RELN: variants seen among roughly 807,000 people sequenced by gnomAD.
The protein encoded by RELN is reelin.
In RELN, 108 loss-of-function variants were observed where a neutral mutation model predicts 427.6. That is an observed-to-expected ratio of 0.25 (90% CI 0.22 to 0.30). RELN has a LOEUF of 0.30. Ranked by LOEUF, RELN falls within the 10% of genes least tolerant of loss-of-function variation. The pLI is 1.00. For synonymous variants in RELN, 1,524 were observed against 1,513.4 expected (o/e 1.01, Z -0.16); for missense variants, 3,715 against 4,302.8 (o/e 0.86, Z 3.82).
intron 6 of RELN, among the ~76,000 whole-genome samples, chr7:103,741,619 G>C (rs1159733349): frequency 6.6e-6 from 1 of 150,694 alleles, no homozygotes; most frequent in Non-Finnish European, 1.5e-5. Context: ...GAAAAGAGAA[G>C]AGGGAGGAGA....
chr7:103,821,800 CT>C (rs11320394), intron 3 of RELN, among the ~76,000 whole-genome samples: 51,064 of 151,946 alleles, frequency 0.34, 9,156 homozygotes, highest in South Asian at 0.52. Context: ...AATTAGAAGG[CT>C]TTTCACTGTT....
intron 3 of RELN, among the ~76,000 whole-genome samples, chr7:103,815,294 A>G (rs1278341344): frequency 5.9e-5 from 9 of 152,212 alleles, no homozygotes; most frequent in Admixed American, 5.9e-4. Context: ...ATAAGGTTTT[A>G]CACATAATGA....
Position 103,489,613 on chromosome 7 carries a change from G to A in RELN, c.9763+129C>T, listed in dbSNP as rs117377980. The A allele has an allele frequency of 1.3e-3, 1,298 of 1,032,894 alleles. 17 individuals are homozygous for A. In the East Asian group the frequency reaches 0.029, roughly 23 times the overall value. 64.0% of individuals were successfully genotyped at this position (1,032,894 alleles called of 1,614,324 possible). ...CCCAAAGTTAAAGAGTGACCAAGGA[G>A]TGTGTCATGAATCTCAGATCCCTCA... On this transcript the variant is annotated intron_variant, in intron 60 of 64. Transcript: ENST00000428762.
At chr7:103,505,027 C>T (rs769053325) in intron 51 of RELN, among the ~76,000 whole-genome samples, 23 of 152,206 alleles carry the variant, frequency 1.5e-4, no homozygotes, top group Non-Finnish European at 3.4e-4. Flanking sequence ...GATTCCTCCT[C>T]TCTGGGCAGG....
At chr7:103,696,324 G>A (rs1025402806) in intron 10 of RELN, among the ~76,000 whole-genome samples, 6 of 151,956 alleles carry the variant, frequency 3.9e-5, no homozygotes, top group South Asian at 2.1e-4. Flanking sequence ...TGCACTCTCC[G>A]GGCAGGCAAG....
chr7:103,681,170 G>A (rs1833645113), intron 11 of RELN, among the ~76,000 whole-genome samples: 2 of 152,108 alleles, frequency 1.3e-5, no homozygotes, highest in African/African-American at 4.8e-5. Context: ...GAGAATGGAA[G>A]AGTCTTATTG....
At chr7:103,776,261 G>A (rs922113153) in intron 4 of RELN, among the ~76,000 whole-genome samples, 7 of 152,290 alleles carry the variant, frequency 4.6e-5, no homozygotes, top group East Asian at 1.9e-4. Flanking sequence ...AGCAGACACA[G>A]TTTGTAGAAT....
intron 24 of RELN, among the ~76,000 whole-genome samples, chr7:103,598,502 T>C (rs1472193264): frequency 6.6e-6 from 1 of 152,148 alleles, no homozygotes; most frequent in Non-Finnish European, 1.5e-5. Flanking sequence ...CATGTGGAAA[T>C]GAGCCAGAAG....
intron 1 of RELN, among the ~76,000 whole-genome samples, chr7:103,933,274 T>G (rs547454894): frequency 6.6e-6 from 1 of 152,254 alleles, no homozygotes; most frequent in South Asian, 2.1e-4. Context: ...AATTATAATT[T>G]TGCATAATTT....
Position 103,563,347 on chromosome 7 carries a change from G to T in RELN, c.5211-1394C>A, listed in dbSNP as rs117883510. Among the ~76,000 whole-genome samples the T allele has an allele frequency of 3.6e-4, 55 of 152,286 alleles. 2 individuals carry two copies. The East Asian group carries it at 0.01, about 29-fold the overall frequency. On this transcript the variant is annotated intron_variant, in intron 34 of 64. Coordinates refer to ENST00000428762, the MANE Select transcript of RELN (RefSeq NM_005045.4). The surrounding 1 kb of genome is among the most constrained non-coding windows in gnomAD (Gnocchi z 4.1). ...TCTTGATGATTCTGACCTTGTGTAT[G>T]CCAAGGCTAATAATGTGTATTTTTG...
rs369617694 is a variant in RELN, at chr7:103,654,132, C to T, written c.1515G>A (p.Glu505=). The change falls in exon 13 of 65, where the codon GAG becomes GAA. Residue 505 remains glutamate (E), a synonymous_variant. Coordinates refer to ENST00000428762, the MANE Select transcript of RELN (RefSeq NM_005045.4). ...ILYAKIEGRK[E]HITLDTLSYS... is the part of the protein sequence containing the mutation. ...AGGAAAGGGTATCCAGTGTTATATGCTCTTTTCTTCCTTCAATTTTTGCAT... is the reference window on the plus strand; with the variant it reads ...AGGAAAGGGTATCCAGTGTTATATGTTCTTTTCTTCCTTCAATTTTTGCAT... 1.2e-5 allele frequency: 20 copies of T among 1,606,612 alleles called. No homozygotes were observed. In the African/African-American group the frequency reaches 2.3e-4, roughly 18 times the overall value.
At chr7:103,680,184 A>G (rs1833622967) in intron 11 of RELN, among the ~76,000 whole-genome samples, 2 of 152,016 alleles carry the variant, frequency 1.3e-5, no homozygotes, top group Admixed American at 1.3e-4. Flanking sequence ...ACAGAGAAGG[A>G]GAGAGAAGTG....
chr7:103,708,486 C>T (rs1474440221), intron 8 of RELN, among the ~76,000 whole-genome samples: 5 of 60,488 alleles, frequency 8.3e-5, no homozygotes, highest in East Asian at 4.6e-4. Context: ...TTTTTTGAGA[C>T]GGAGTCTTGC....
chr7:103,845,664 C>G lies in RELN; in HGVS notation c.338-11992G>C, dbSNP rs905840484. On this transcript the variant is annotated intron_variant, in intron 2 of 64. Transcript: ENST00000428762. ...TGTAATTTTTTTAATGATGTAATAT[C>G]ATTAAAGTCTCAGGATACAAAATCA... 2.0e-5 allele frequency among the ~76,000 whole-genome samples: 3 copies of G among 152,118 alleles called. No homozygotes were observed. The South Asian group carries it at 6.2e-4, about 31-fold the overall frequency.
intron 50 of RELN, chr7:103,513,973 A>AAAAT (rs1276595485): frequency 6.6e-6 from 1 of 152,174 alleles, no homozygotes; most frequent in African/African-American, 2.4e-5. Context: ...CTTTTACAAG[A>AAAAT]AAATATGAAC....
intron 10 of RELN, among the ~76,000 whole-genome samples, chr7:103,690,281 T>C (rs1290138506): frequency 6.6e-6 from 1 of 151,272 alleles, no homozygotes; most frequent in South Asian, 2.1e-4. Flanking sequence ...ATGGAAGGAG[T>C]GAAAAAAAAA....
In RELN at chr7:103,989,224, C is replaced by G; in HGVS notation, c.133G>C (p.Glu45Gln). 1 of 1,614,102 alleles carries G rather than the reference C, an allele frequency of 6.2e-7. No homozygotes were observed. The highest frequency in any genetic ancestry group is 8.5e-7 in the Non-Finnish European group (1 of 1,179,998). ...PFFFLCTHHG[E>Q]LEGDGEQGEV... ...CCCTGCTCCCCATCCCCTTCCAGCT[C>G]CCCGTGGTGGGTGCACAGGAAAAAG... Residue 45 changes from glutamate (E) to glutamine (Q), a missense_variant, in exon 1 of 65, where the codon GAG becomes CAG. By Grantham distance (29) the Glu-to-Gln change is conservative. This residue lies in a region of RELN where 2,208 missense variants were observed against 2,361.7 expected (regional missense o/e 0.93). Transcript: ENST00000428762. The surrounding 1 kb of genome is among the most constrained non-coding windows in gnomAD (Gnocchi z 4.9).
At chr7:103,546,406 T>G (rs565516131) in intron 41 of RELN, among the ~76,000 whole-genome samples, 1 of 152,250 alleles carries the variant, frequency 6.6e-6, no homozygotes, top group African/African-American at 2.4e-5. Flanking sequence ...CATTAGTTGA[T>G]GGACATTTGG....
At chr7:103,963,493 G>A (rs1010864134) in intron 1 of RELN, among the ~76,000 whole-genome samples, 2 of 152,160 alleles carry the variant, frequency 1.3e-5, no homozygotes, top group African/African-American at 4.8e-5. Flanking sequence ...GTGGATATGA[G>A]CTTGCTTGTG....
Sources: gnomAD v4.1 joint callset for allele counts (sites outside exome capture counted in the v4.1 genomes callset) on GRCh38, gnomAD v4.1.1 for gene constraint, gnomAD v4.1.1 regional missense constraint, Gnocchi (gnomAD v3.1) non-coding constraint, MANE v1.5 for transcripts, NCBI Gene and HGNC (gene_info 2026-07-23, HGNC 2026-07-21) for gene names.